PNKD: variants seen among roughly 807,000 people sequenced by gnomAD.
The protein encoded by PNKD is probable thioesterase PNKD.
In PNKD, 36 loss-of-function variants were observed where a neutral mutation model predicts 45.3. The ratio of observed to expected loss-of-function variants is 0.80; its 90% CI spans 0.61 to 1.05. The LOEUF (loss-of-function observed/expected upper bound fraction) is 1.05, where lower values mean the gene tolerates loss of function less well. Ranked by LOEUF, PNKD falls within the 50% of genes least tolerant of loss-of-function variation. The pLI is 0.00. For missense variants in PNKD, 511 were observed against 506.6 expected (o/e 1.01, Z -0.08); for synonymous variants, 197 against 210.1 (o/e 0.94, Z 0.54).
chr2:218,313,903 CTTTTTTTTTTTT>C (rs10550174), intron 2 of PNKD, among the ~76,000 whole-genome samples: 2 of 77,722 alleles, frequency 2.6e-5, no homozygotes, highest in Non-Finnish European at 5.5e-5. Flanking sequence ...TTCTTTATTT[CTTTTTTTTTTTT>C]TTTTTTTTTG....
chr2:218,292,584 C>CG (rs1382756956), intron 2 of PNKD: 2 of 151,858 alleles, frequency 1.3e-5, no homozygotes, highest in African/African-American at 4.8e-5. Flanking sequence ...CCTCGTGGGG[C>CG]GGGGCCTCAG....
At chr2:218,341,455 C>CT (rs1431112482) in intron 5 of PNKD, 79 bp from the exon 6 acceptor site, 18 of 908,394 alleles carry the variant, frequency 2.0e-5, no homozygotes, top group Middle Eastern at 3.3e-4. Context: ...ACTTAAAGGC[C>CT]TGGAGATGCT....
At position 218,344,826 on chromosome 2, in the gene PNKD, G is replaced by A. The variant is rs1417882111; in HGVS notation, c.1003G>A (p.Glu335Lys). The A allele has an allele frequency of 1.2e-6, 2 of 1,613,858 alleles. No individual in the cohort carries two copies. Among genetic ancestry groups the A allele is most frequent in the Admixed American group, 3.3e-5 (2 of 59,994 alleles). ...RKGTCPSTLGEERSYNPFLRT... is the reference protein window; with the variant it reads ...RKGTCPSTLGKERSYNPFLRT... ...CCCACAGTGCCCATCTACCCTGGGA[G>A]AGGAGCGCTCCTACAACCCGTTCCT... Residue 335 changes from glutamate to lysine, a missense_variant, in exon 10 of 10, where the codon GAG becomes AAG. By Grantham distance (56) the Glu-to-Lys change is moderately conservative. Coordinates refer to ENST00000273077, the MANE Select transcript of PNKD (RefSeq NM_015488.5).
intron 2 of PNKD, 92 bp downstream of exon 2, chr2:218,271,641 C>A: frequency 8.7e-7 from 1 of 1,148,852 alleles, no homozygotes; most frequent in Non-Finnish European, 1.3e-6. Flanking sequence ...AGGTGGCGAG[C>A]TGAATCCAAA....
chr2:218,303,879 C>T (rs1228671485), intron 2 of PNKD, among the ~76,000 whole-genome samples: 2 of 151,520 alleles, frequency 1.3e-5, no homozygotes, highest in African/African-American at 2.4e-5. Context: ...CGGCCAGACC[C>T]GCACTTCTTT....
intron 2 of PNKD, 88 bp downstream of exon 2, chr2:218,271,637 C>G: frequency 8.6e-7 from 1 of 1,167,902 alleles, no homozygotes; most frequent in Non-Finnish European, 1.2e-6. Flanking sequence ...TTTCAGGTGG[C>G]GAGCTGAATC....
chr2:218,291,871 G>A (rs1489405054), intron 2 of PNKD, among the ~76,000 whole-genome samples: 1 of 152,202 alleles, frequency 6.6e-6, no homozygotes, highest in Non-Finnish European at 1.5e-5. Flanking sequence ...CATGGTGATA[G>A]AGGTGGCCAC....
At chr2:218,277,564 C>T (rs1691352605) in intron 2 of PNKD, 1 of 1,610,114 alleles carries the variant, frequency 6.2e-7, no homozygotes, top group South Asian at 1.1e-5. Flanking sequence ...CAGCTGGCTG[C>T]CGGCCCAGGA....
At chr2:218,274,268 CTA>C (rs1326636653) in intron 2 of PNKD, 1 of 154,970 alleles carries the variant, frequency 6.5e-6, no homozygotes, top group Non-Finnish European at 1.5e-5. Flanking sequence ...TAGGATTTCT[CTA>C]TTAAGTAATT....
At chr2:218,320,942 G>A (rs912735140) in intron 2 of PNKD, among the ~76,000 whole-genome samples, 1 of 152,158 alleles carries the variant, frequency 6.6e-6, no homozygotes, top group African/African-American at 2.4e-5. Context: ...CAGTCTAAGG[G>A]TGGGGTTATG....
At chr2:218,313,887 T>C (rs2106263517) in intron 2 of PNKD, among the ~76,000 whole-genome samples, 1 of 150,002 alleles carries the variant, frequency 6.7e-6, no homozygotes, top group Middle Eastern at 3.4e-3. Flanking sequence ...GTTGTTTAAC[T>C]GCATTTTCTT....
chr2:218,281,609 T>A (rs1268838351), intron 2 of PNKD, among the ~76,000 whole-genome samples: 4 of 152,206 alleles, frequency 2.6e-5, no homozygotes, highest in Non-Finnish European at 4.4e-5. Flanking sequence ...CAGCAGCTTG[T>A]TGGCCGCTTG....
In PNKD at chr2:218,326,075, C is replaced by T. The variant is rs1288290001; in HGVS notation, c.237-13708C>T. ...AGGAAGGATGGGGAGGGAGGGGGAA[C>T]GGAATGGGACAGGACATGATGGGGA... is the stretch of plus-strand genomic sequence containing the variant. On this transcript the variant is annotated intron_variant, in intron 2 of 9. Transcript: ENST00000273077. This position sits in a 1 kb window ranked among gnomAD's most constrained non-coding sequence, Gnocchi z 4.1. 3.7e-5 allele frequency among the ~76,000 whole-genome samples: 5 copies of T among 135,952 alleles called. No homozygotes were observed. Among genetic ancestry groups the T allele is most frequent in the African/African-American group, 8.5e-5 (3 of 35,366 alleles). 89.2% of individuals were successfully genotyped at this position (135,952 alleles called of 152,430 possible). A position where few individuals can be genotyped will look rare whatever the true frequency, so the allele number is the denominator to read the frequency against.
chr2:218,305,835 G>A (rs572075117), intron 2 of PNKD, among the ~76,000 whole-genome samples: 5 of 152,326 alleles, frequency 3.3e-5, no homozygotes, highest in Non-Finnish European at 7.3e-5. Context: ...AAAAGCCTTC[G>A]AAGAGGAGGT....
chr2:218,321,830 GTTAGCCAGGATGGTCTCGATCTCTT>G (rs2106273613), intron 2 of PNKD, among the ~76,000 whole-genome samples: 1 of 151,476 alleles, frequency 6.6e-6, no homozygotes, highest in East Asian at 1.9e-4. Flanking sequence ...GTTTCACCGT[GTTAGCCAGGATGGTCTCGATCTCTT>G]GACCTAGCGA....
chr2:218,340,656 C>A lies in PNKD; in HGVS notation c.466-72C>A. The A allele has an allele frequency of 1.8e-6, 2 of 1,125,604 alleles. No individual in the cohort carries two copies. Among genetic ancestry groups the A allele is most frequent in the Non-Finnish European group, 2.7e-6 (2 of 734,534 alleles). The allele number at this position is 1,125,604 out of a possible 1,614,324, so 69.7% of individuals were successfully genotyped here. ...CCTCTCCTCTCCACCAGCGCCCACA[C>A]TCCTGGCTCTTGCTGCTTCAAGTGC... On this transcript the variant is annotated intron_variant, in intron 4 of 9. Transcript: ENST00000273077. This position sits in a 1 kb window ranked among gnomAD's most constrained non-coding sequence, Gnocchi z 4.2.
chr2:218,285,063 C>A (rs1197659591), intron 2 of PNKD, among the ~76,000 whole-genome samples: 2 of 152,196 alleles, frequency 1.3e-5, no homozygotes, highest in African/African-American at 2.4e-5. Context: ...GCACTCCAGC[C>A]TGGGTGACAG....
intron 2 of PNKD, chr2:218,334,682 A>T (rs1444419997): frequency 1.4e-6 from 1 of 701,896 alleles, no homozygotes; most frequent in Non-Finnish European, 2.6e-6. Flanking sequence ...TTTTTGGCAC[A>T]AATACCACAG....
At chr2:218,279,979 C>A in intron 2 of PNKD, 1 of 1,484,078 alleles carries the variant, frequency 6.7e-7, no homozygotes, top group Non-Finnish European at 9.4e-7. Flanking sequence ...CCCATTCCCA[C>A]AGCCTGAGGG....
Sources: gnomAD v4.1 joint callset for allele counts (sites outside exome capture counted in the v4.1 genomes callset) on GRCh38, gnomAD v4.1.1 for gene constraint, Gnocchi (gnomAD v3.1) non-coding constraint, MANE v1.5 for transcripts, NCBI Gene and HGNC (gene_info 2026-07-23, HGNC 2026-07-21) for gene names.